The following DCP1A variants were observed in gnomAD, a reference collection of about 807,000 sequenced individuals.
The protein encoded by DCP1A is mRNA-decapping enzyme 1A.
DCP1A carries 20 observed loss-of-function variants against 58.0 expected under a neutral mutation model. The ratio of observed to expected loss-of-function variants is 0.34; its 90% CI spans 0.24 to 0.50. DCP1A has a LOEUF of 0.50. Ranked by LOEUF, DCP1A falls within the 20% of genes least tolerant of loss-of-function variation. The probability of loss-of-function intolerance (pLI) is 0.98; values close to 1 mark genes in which losing one functional copy is unlikely to be tolerated. For synonymous variants in DCP1A, 285 were observed against 275.1 expected (o/e 1.04, Z -0.36); for missense variants, 613 against 712.2 (o/e 0.86, Z 1.59).
chr3:53,323,893 T>C (rs1337924958), intron 3 of DCP1A, among the ~76,000 whole-genome samples: 1 of 149,148 alleles, frequency 6.7e-6, no homozygotes, highest in African/African-American at 2.5e-5. Context: ...GTTTATGATA[T>C]GCAACACATC....
At chr3:53,297,183 G>A (rs113082627) in intron 6 of DCP1A, among the ~76,000 whole-genome samples, 2,613 of 152,112 alleles carry the variant, frequency 0.017, 46 homozygotes, top group Middle Eastern at 0.065. Context: ...CTAATGATGT[G>A]GAGCATCTTT....
rs1553685095 is a variant in DCP1A, at chr3:53,286,334, G to A, written c.*1246C>T. 1 of 152,152 alleles carries A rather than the reference G, an allele frequency of 6.6e-6. No homozygotes were observed. Among genetic ancestry groups the A allele is most frequent in the African/African-American group, 2.4e-5 (1 of 41,436 alleles). 9.4% of individuals were successfully genotyped at this position (152,152 alleles called of 1,614,324 possible). On this transcript the variant is annotated 3_prime_UTR_variant, in exon 10 of 10. Transcript: ENST00000610213. ...CTTAATTGGTTAAATACTACAAAAT[G>A]ACCTGTATCATAGAAACGAAGACAC...
chr3:53,318,507 G>A (rs928998836), intron 4 of DCP1A, among the ~76,000 whole-genome samples: 5 of 152,038 alleles, frequency 3.3e-5, no homozygotes, highest in East Asian at 1.9e-4. Context: ...AAAAGCAGAG[G>A]TGCACCAGAA....
At chr3:53,343,846 C>T (rs530203507) in intron 2 of DCP1A, among the ~76,000 whole-genome samples, 12 of 152,196 alleles carry the variant, frequency 7.9e-5, no homozygotes, top group Admixed American at 3.3e-4. Flanking sequence ...CTCCTGACCT[C>T]GTGATCCGCC....
chr3:53,312,187 C>T, intron 5 of DCP1A, 54 bp downstream of exon 5: 2 of 1,510,446 alleles, frequency 1.3e-6, no homozygotes, highest in Non-Finnish European at 1.8e-6. Context: ...TGCAGACCTC[C>T]TCCTCCCGTT....
chr3:53,334,528 C>A (rs1257890718), intron 3 of DCP1A, among the ~76,000 whole-genome samples: 2 of 152,106 alleles, frequency 1.3e-5, no homozygotes, highest in African/African-American at 2.4e-5. Context: ...TTTGAATACA[C>A]AAAACCTTAT....
rs1553686053 is a variant in DCP1A at position 53,292,082 on chromosome 3, A to G, written c.1370T>C (p.Leu457Pro). The change falls in exon 7 of 10, where the codon CTT becomes CCT. Residue 457 changes from leucine (L) to proline (P), a missense_variant. Physicochemically the swap from Leu to Pro is moderately conservative, Grantham distance 98 (BLOSUM62 -3). Transcript: ENST00000610213. ...TCCTGCCATTACCTGAAGGGGAGCA[A>G]GCACCATGTTGCTCAGGGAGGCTGA... ...AASASLSNMVLAPLQSMQQNQ... is the reference protein window; with the variant it reads ...AASASLSNMVPAPLQSMQQNQ... 1.9e-6 allele frequency: 3 copies of G among 1,610,424 alleles called. No individual in the cohort carries two copies. In the African/African-American group the frequency reaches 4.0e-5, roughly 22 times the overall value.
At position 53,319,947 on chromosome 3, in the gene DCP1A, T is replaced by C. The variant is rs909971768; in HGVS notation, c.305-474A>G. On this transcript the variant is annotated intron_variant, in intron 3 of 9. Transcript: ENST00000610213. ...GAGTTTAAGACCAGCCTGGCCAACA[T>C]AGGTGAAACCCGTCTCTACTAAAAA... Among the ~76,000 whole-genome samples the C allele has an allele frequency of 2.6e-5, 4 of 151,892 alleles. No homozygotes were observed. The East Asian group carries it at 5.8e-4, about 22-fold the overall frequency.
rs75787768 is a variant in DCP1A, at chr3:53,332,527, T to C, written c.304+9617A>G. 8.1e-4 allele frequency among the ~76,000 whole-genome samples: 124 copies of C among 152,312 alleles called. 1 individual carries two copies. Among genetic ancestry groups the C allele is most frequent in the African/African-American group, 2.9e-3 (120 of 41,570 alleles). On this transcript the variant is annotated intron_variant, in intron 3 of 9. Transcript: ENST00000610213. ...CCTCCCCTTGTTCTTTTTATGGTTG[T>C]TGTTATAGTGGAGTTTTTTGTTTTG...
rs1553685454 is a variant in DCP1A at position 53,288,236 on chromosome 3, T to C, written c.1497A>G (p.Ser499=). ...LVTATTTAVS[S]VLLAPSVFQQ... ...GGAAAACACTTGGGGCCAGCAGGAC[T>C]GAAGACACTGCAGTGGTCGTTGCAG... is the stretch of plus-strand genomic sequence containing the variant. The change falls in exon 9 of 10, where the codon TCA becomes TCG. Residue 499 remains serine, a synonymous_variant. Transcript: ENST00000610213. 1 of 1,613,700 alleles carries C rather than the reference T, an allele frequency of 6.2e-7. No homozygotes were observed. Among genetic ancestry groups the C allele is most frequent in the Non-Finnish European group, 8.5e-7 (1 of 1,179,812 alleles).
intron 6 of DCP1A, among the ~76,000 whole-genome samples, chr3:53,299,931 G>A (rs782596187): frequency 6.6e-6 from 1 of 151,972 alleles, no homozygotes; most frequent in Admixed American, 6.6e-5. Flanking sequence ...GTGGTGGCAC[G>A]ATCTTGGCTC....
At chr3:53,344,760 A>T in intron 2 of DCP1A, 142 bp downstream of exon 2, 1 of 555,180 alleles carries the variant, frequency 1.8e-6, no homozygotes, top group South Asian at 2.7e-5. Flanking sequence ...AACCTGGTTA[A>T]GATTTCACAG....
intron 5 of DCP1A, among the ~76,000 whole-genome samples, chr3:53,306,720 G>A (rs1005779344): frequency 7.7e-5 from 11 of 142,176 alleles, no homozygotes; most frequent in Non-Finnish European, 3.0e-5. Flanking sequence ...GCAGTGAGCC[G>A]AGATTGGGCC....
At chr3:53,292,014 C>T (rs1706893546) in intron 7 of DCP1A, 55 bp downstream of exon 7, 2 of 1,529,500 alleles carry the variant, frequency 1.3e-6, no homozygotes, top group African/African-American at 2.7e-5. Flanking sequence ...TCTGTAGTTT[C>T]ATCCCATCCA....
chr3:53,319,398 T>C lies in DCP1A; in HGVS notation c.371+9A>G, dbSNP rs199534426. The C allele has an allele frequency of 2.0e-6, 3 of 1,508,298 alleles. No individual in the cohort carries two copies. The highest frequency in any genetic ancestry group is 4.8e-5 in the East Asian group (2 of 41,818). The allele number at this position is 1,508,298 out of a possible 1,614,324, so 93.4% of individuals were successfully genotyped here. On this transcript the variant is annotated intron_variant, in intron 4 of 9. Coordinates refer to ENST00000610213, the MANE Select transcript of DCP1A (RefSeq NM_018403.7). ...ATCATCAGTTAAATTTATGGAGTAATATACTTACTCAGCCATGAGTTTTGC... is the reference window on the plus strand; with the variant it reads ...ATCATCAGTTAAATTTATGGAGTAACATACTTACTCAGCCATGAGTTTTGC...
intron 4 of DCP1A, among the ~76,000 whole-genome samples, chr3:53,316,759 A>G (rs1707827287): frequency 1.3e-5 from 2 of 152,050 alleles, no homozygotes; most frequent in Non-Finnish European, 2.9e-5. Flanking sequence ...ATCACTTTTA[A>G]TAACACATCT....
intron 3 of DCP1A, among the ~76,000 whole-genome samples, chr3:53,321,372 C>CT (rs1445449609): frequency 6.6e-6 from 1 of 152,154 alleles, no homozygotes; most frequent in Non-Finnish European, 1.5e-5. Flanking sequence ...AACGGAGAGA[C>CT]TAAGTAACTT....
intron 3 of DCP1A, among the ~76,000 whole-genome samples, chr3:53,323,067 G>A (rs556345774): frequency 2.6e-5 from 4 of 152,074 alleles, no homozygotes; most frequent in African/African-American, 9.6e-5. Context: ...CTCGTGATCC[G>A]CCCACCTCGG....
intron 3 of DCP1A, among the ~76,000 whole-genome samples, chr3:53,320,585 T>C (rs1328328843): frequency 6.6e-6 from 1 of 152,206 alleles, no homozygotes; most frequent in Non-Finnish European, 1.5e-5. Flanking sequence ...TTGAAATAAT[T>C]GTACCTTCAA....
Sources: allele counts gnomAD v4.1 joint callset (sites outside exome capture counted in the v4.1 genomes callset), GRCh38; gene constraint gnomAD v4.1.1; transcripts MANE v1.5; gene names NCBI Gene and HGNC (gene_info 2026-07-23, HGNC 2026-07-21).